Variants in ELP5 observed in about 807,000 individuals in gnomAD.
ELP5 encodes elongator complex protein 5.
In ELP5, 34 loss-of-function variants were observed where a neutral mutation model predicts 33.4. That is an observed-to-expected ratio of 1.02 (90% CI 0.78 to 1.36). The LOEUF (loss-of-function observed/expected upper bound fraction) is 1.36. Ranked by LOEUF, ELP5 falls within the 40% of genes most tolerant of loss-of-function variation. The pLI, the probability that ELP5 is intolerant of heterozygous loss-of-function variation, is 0.00. For synonymous variants in ELP5, 161 were observed against 146.4 expected (o/e 1.10, Z -0.72); for missense variants, 373 against 371.7 (o/e 1.00, Z -0.03).
At chr17:7,253,096 T>C (rs2071989021) in intron 3 of ELP5, 98 bp downstream of exon 3, 1 of 1,139,484 alleles carries the variant, frequency 8.8e-7, no homozygotes. Flanking sequence ...TAGTAGCAGT[T>C]CCTTAAATAT....
rs2143001917 is a variant in ELP5, at chr17:7,259,909, AT to A, written c.*225del. The A allele has an allele frequency of 1.9e-6, 1 of 526,120 alleles. No homozygotes were observed. The highest frequency in any genetic ancestry group is 3.5e-5 in the East Asian group (1 of 28,526). The allele number at this position is 526,120 out of a possible 1,614,324, so 32.6% of individuals were successfully genotyped here. ...AGAGAGTAGAACACCCCCGTACCTAATAAAAATCTTTATTTTTTTATTAAAA... is the reference window on the plus strand; with the variant it reads ...AGAGAGTAGAACACCCCCGTACCTAAAAAAATCTTTATTTTTTTATTAAAA... On this transcript the variant is annotated 3_prime_UTR_variant, in exon 8 of 8. Transcript: ENST00000396628.
chr17:7,257,062 A>T, intron 5 of ELP5, 24 bp downstream of exon 5: 1 of 1,527,708 alleles, frequency 6.5e-7, no homozygotes, highest in Non-Finnish European at 8.8e-7. Flanking sequence ...ACAGAGAAGG[A>T]CTGGAAACGG....
Position 7,253,074 on chromosome 17 carries a change from G to A in ELP5, c.188+76G>A, listed in dbSNP as rs1210128374. Reference sequence around the variant, plus strand: ...AGGAAATTTCTTTACAACAAGCGCAGAACCTGGTATGTAGTAGCAGTTCCT... The same window carrying A: ...AGGAAATTTCTTTACAACAAGCGCAAAACCTGGTATGTAGTAGCAGTTCCT... On this transcript the variant is annotated intron_variant, in intron 3 of 7. Transcript: ENST00000396628. 1.3e-5 allele frequency: 18 copies of A among 1,407,304 alleles called. No individual in the cohort carries two copies. In the East Asian group the frequency reaches 1.6e-4, roughly 12 times the overall value. 87.2% of individuals were successfully genotyped at this position (1,407,304 alleles called of 1,614,324 possible). A position where few individuals can be genotyped will look rare whatever the true frequency, so the allele number is the denominator to read the frequency against.
At chr17:7,255,076 A>C (rs1329104183) in intron 4 of ELP5, among the ~76,000 whole-genome samples, 2 of 151,838 alleles carry the variant, frequency 1.3e-5, no homozygotes, top group Non-Finnish European at 2.9e-5. Context: ...TGTCAGGTAC[A>C]ATTCTAGATA....
chr17:7,252,151 G>T (rs1426187461), upstream of ELP5: 1 of 358,806 alleles, frequency 2.8e-6, no homozygotes. Flanking sequence ...GAAGGTGGCC[G>T]CGGGGCGGGG....
rs967607430 is a variant in ELP5, at chr17:7,255,649, CGCCCA to C, written c.409+849_409+853del. On this transcript the variant is annotated intron_variant, in intron 4 of 7. Transcript: ENST00000396628. ...TACTCGAATGGACTTAGGAGTCAGA[CGCCCA>C]GCTTTGTATTAAGGTGCTTGATCTC... Among the ~76,000 whole-genome samples the C allele has an allele frequency of 5.9e-5, 9 of 152,286 alleles. No individual in the cohort carries two copies. The East Asian group carries it at 1.2e-3, about 20-fold the overall frequency.
chr17:7,259,211 A>C, intron 7 of ELP5: 3 of 1,383,862 alleles, frequency 2.2e-6, no homozygotes, highest in Middle Eastern at 2.7e-4. Context: ...CCCTATCCCT[A>C]GGCAGTGGTG....
upstream of ELP5, chr17:7,252,141 G>C: frequency 2.8e-6 from 1 of 357,194 alleles, no homozygotes; most frequent in Non-Finnish European, 5.3e-6. Flanking sequence ...CGCACGCGCA[G>C]AAGGTGGCCG....
intron 3 of ELP5, 39 bp from the exon 4 acceptor site, chr17:7,254,544 A>C: frequency 5.6e-6 from 8 of 1,441,336 alleles, no homozygotes; most frequent in Non-Finnish European, 6.7e-6. Flanking sequence ...TCTCGGGGGA[A>C]GGGGCAATAT....
upstream of ELP5, chr17:7,252,161 G>T (rs1373314008): frequency 3.8e-5 from 14 of 373,184 alleles, no homozygotes; most frequent in South Asian, 2.9e-4. Context: ...GCGGGGCGGG[G>T]CCTGAGGCGA....
Position 7,252,545 on chromosome 17 carries a change from T to G in ELP5, c.-6T>G, listed in dbSNP as rs1228682314. ...CGCCAGAGCAGGGACCGGACGCGAG[T>G]TGGAGATGTTGGACTCGCTGTTGGC... On this transcript the variant is annotated 5_prime_UTR_variant, in exon 1 of 8. Coordinates refer to ENST00000396628, the MANE Select transcript of ELP5 (RefSeq NM_203414.3). The G allele has an allele frequency of 6.2e-7, 1 of 1,613,150 alleles. No individual in the cohort carries two copies. The highest frequency in any genetic ancestry group is 1.1e-5 in the South Asian group (1 of 90,980).
At chr17:7,258,280 C>T (rs952651240) in intron 5 of ELP5, among the ~76,000 whole-genome samples, 1 of 151,840 alleles carries the variant, frequency 6.6e-6, no homozygotes, top group African/African-American at 2.4e-5. Context: ...AAAACCCCAT[C>T]TCTACTAAAA....
At position 7,258,684 on chromosome 17, in the gene ELP5, G is replaced by A; in HGVS notation, c.687+1G>A. On this transcript the variant is annotated splice_donor_variant, in intron 6 of 7. Coordinates refer to ENST00000396628, the MANE Select transcript of ELP5 (RefSeq NM_203414.3). LOFTEE classifies it high-confidence loss of function. ...CTACTCCGATCCTCATATACCCCCG[G>A]TATCTAAGAATGCCAAGGCCAGAAC... 1 of 1,614,030 alleles carries A rather than the reference G, an allele frequency of 6.2e-7. No homozygotes were observed. Among genetic ancestry groups the A allele is most frequent in the Non-Finnish European group, 8.5e-7 (1 of 1,180,016 alleles).
chr17:7,259,863 A>G lies in ELP5; in HGVS notation c.*178A>G. ...GCGTCTCATCAGGACAGAAGGTAGG[A>G]TGAAGACATGGGGTAATGTGAGAGA... On this transcript the variant is annotated 3_prime_UTR_variant, in exon 8 of 8. Coordinates refer to ENST00000396628, the MANE Select transcript of ELP5 (RefSeq NM_203414.3). 5.5e-6 allele frequency: 6 copies of G among 1,088,306 alleles called. No homozygotes were observed. Among genetic ancestry groups the G allele is most frequent in the East Asian group, 2.6e-5 (1 of 38,214 alleles). 67.4% of individuals were successfully genotyped at this position (1,088,306 alleles called of 1,614,324 possible).
Position 7,256,867 on chromosome 17 carries a change from C to G in ELP5, c.420C>G (p.Ser140=). Reference sequence around the variant, plus strand: ...CTTGTCCTCCTCTAGGTGACAGCTCCTCAGTGGGGAAAGTGAGTGTGCTGG... The same window carrying G: ...CTTGTCCTCCTCTAGGTGACAGCTCGTCAGTGGGGAAAGTGAGTGTGCTGG... ...SHQDSCPGDS[S]SVGKVSVLGL... Residue 140 remains serine (S), a synonymous_variant, in exon 5 of 8, where the codon TCC becomes TCG. Transcript: ENST00000396628. 2 of 1,614,220 alleles carry G rather than the reference C, an allele frequency of 1.2e-6. No individual in the cohort carries two copies. Among genetic ancestry groups the G allele is most frequent in the Non-Finnish European group, 1.7e-6 (2 of 1,180,040 alleles).
upstream of ELP5, chr17:7,252,168 G>C: frequency 2.6e-6 from 1 of 377,814 alleles, no homozygotes; most frequent in Non-Finnish European, 5.0e-6. Flanking sequence ...GGGGCCTGAG[G>C]CGAAGCAGGC....
At position 7,254,633 on chromosome 17, in the gene ELP5, A is replaced by AG; in HGVS notation, c.241dup (p.Glu81GlyfsTer58). ...GACCCTCTCAACTGGTCAAAAACTG[A>AG]GGAGGCCTTTCCTGGGGGGCCGCTG... On this transcript the variant is annotated frameshift_variant, in exon 4 of 8. Coordinates refer to ENST00000396628, the MANE Select transcript of ELP5 (RefSeq NM_203414.3). LOFTEE classifies it high-confidence loss of function. 1 of 1,614,112 alleles carries AG rather than the reference A, an allele frequency of 6.2e-7. No individual in the cohort carries two copies. The highest frequency in any genetic ancestry group is 8.5e-7 in the Non-Finnish European group (1 of 1,179,996).
intron 4 of ELP5, among the ~76,000 whole-genome samples, chr17:7,256,448 C>T: frequency 6.6e-6 from 1 of 152,240 alleles, no homozygotes; most frequent in Non-Finnish European, 1.5e-5. Flanking sequence ...AAGCGTTTAG[C>T]ATAGTACCTG....
intron 7 of ELP5, 185 bp downstream of exon 7, chr17:7,259,111 T>C (rs2072151199): frequency 1.4e-6 from 2 of 1,445,760 alleles, no homozygotes; most frequent in East Asian, 2.5e-5. Flanking sequence ...TATGTCTCTT[T>C]TCTCTCCCTT....
Sources: allele counts gnomAD v4.1 joint callset (sites outside exome capture counted in the v4.1 genomes callset), GRCh38; gene constraint gnomAD v4.1.1; transcripts MANE v1.5; gene names NCBI Gene and HGNC (gene_info 2026-07-23, HGNC 2026-07-21).